The following CALN1 variants were observed in gnomAD, a reference collection of about 807,000 sequenced individuals.
CALN1 encodes calcium-binding protein 8.
Under a neutral mutation model 30.6 loss-of-function variants are expected in CALN1, and 17 were observed. The ratio of observed to expected loss-of-function variants is 0.56; its 90% confidence interval spans 0.38 to 0.83. The LOEUF is 0.83. Ranked by LOEUF, CALN1 falls within the 40% of genes least tolerant of loss-of-function variation. The pLI, the probability that CALN1 is intolerant of heterozygous loss-of-function variation, is 0.00. For synonymous variants in CALN1, 156 were observed against 131.4 expected, an observed-to-expected ratio of 1.19 and a Z score of -1.28; for missense variants, 291 against 354.9, an observed-to-expected ratio of 0.82 and a Z score of 1.45.
intron 5 of CALN1, among the ~76,000 whole-genome samples, chr7:71,914,378 A>G (rs1431412892): frequency 6.6e-6 from 1 of 152,228 alleles, no homozygotes; most frequent in Non-Finnish European, 1.5e-5. Flanking sequence ...TGCGAAGGAC[A>G]TGATCTCATC....
At chr7:72,034,353 CAAAA>C (rs34276736) in intron 4 of CALN1, among the ~76,000 whole-genome samples, 97 of 90,376 alleles carry the variant, frequency 1.1e-3, no homozygotes, top group African/African-American at 4.4e-3. Context: ...GACTCTGTCT[CAAAA>C]AAAAAAAAAA....
intron 2 of CALN1, among the ~76,000 whole-genome samples, chr7:72,340,317 C>T (rs1802322541): frequency 6.6e-6 from 1 of 151,092 alleles, no homozygotes; most frequent in Non-Finnish European, 1.5e-5. Context: ...AAGTAATCCT[C>T]CCACCCCCAC....
intron 1 of CALN1, among the ~76,000 whole-genome samples, chr7:72,445,035 G>A (rs1414592828): frequency 2.7e-5 from 4 of 148,946 alleles, no homozygotes; most frequent in Non-Finnish European, 4.4e-5. Context: ...CTTCTTGAAA[G>A]CCAGCAGCCA....
At chr7:72,189,198 A>G (rs1790428641) in intron 3 of CALN1, among the ~76,000 whole-genome samples, 1 of 152,228 alleles carries the variant, frequency 6.6e-6, no homozygotes, top group South Asian at 2.1e-4. Context: ...TCATGATAGG[A>G]AATTGACATG....
chr7:72,162,421 C>T (rs1209679546), intron 3 of CALN1, among the ~76,000 whole-genome samples: 1 of 151,872 alleles, frequency 6.6e-6, no homozygotes, highest in Non-Finnish European at 1.5e-5. Flanking sequence ...GGATCAGAAT[C>T]TTGGGGGTTA....
At chr7:72,003,929 A>T (rs1229567486) in intron 5 of CALN1, among the ~76,000 whole-genome samples, 5 of 152,178 alleles carry the variant, frequency 3.3e-5, no homozygotes, top group Non-Finnish European at 5.9e-5. Context: ...ACTGGACTAG[A>T]AGACTCAACA....
At chr7:72,183,378 G>C (rs770277445) in intron 3 of CALN1, among the ~76,000 whole-genome samples, 1 of 152,160 alleles carries the variant, frequency 6.6e-6, no homozygotes, top group Non-Finnish European at 1.5e-5. Context: ...AGACGAATTA[G>C]AAATCTACAG....
chr7:72,289,750 C>A (rs1220463991), intron 2 of CALN1, among the ~76,000 whole-genome samples: 1 of 151,904 alleles, frequency 6.6e-6, no homozygotes, highest in African/African-American at 2.4e-5. Context: ...TATTTATTAC[C>A]TTGATTTTTC....
intron 2 of CALN1, among the ~76,000 whole-genome samples, chr7:72,366,135 C>T (rs1803864485): frequency 7.3e-6 from 1 of 136,970 alleles, no homozygotes; most frequent in Non-Finnish European, 1.7e-5. Flanking sequence ...ATAATGAATA[C>T]TATTTTTTAT....
intron 1 of CALN1, among the ~76,000 whole-genome samples, chr7:72,417,887 T>G (rs562558277): frequency 2.6e-5 from 4 of 152,204 alleles, no homozygotes; most frequent in Non-Finnish European, 5.9e-5. Flanking sequence ...GTCTCTAAGT[T>G]TCATCTGGAG....
intron 6 of CALN1, among the ~76,000 whole-genome samples, chr7:71,807,347 C>G (rs1053378261): frequency 6.6e-6 from 1 of 152,140 alleles, no homozygotes; most frequent in Non-Finnish European, 1.5e-5. Flanking sequence ...TCCTAGACAC[C>G]TCTGCCCAAA....
chr7:71,829,652 G>T lies in CALN1; in HGVS notation c.502-19160C>A, dbSNP rs550103118. Among the ~76,000 whole-genome samples the T allele has an allele frequency of 3.9e-5, 6 of 152,298 alleles. No individual in the cohort carries two copies. The South Asian group carries it at 1.2e-3, about 32-fold the overall frequency. ...ACACAGCTATTGGATTGCCTGGGTC[G>T]GGCCCTGAGGGTAAGCTGTGAATAG... On this transcript the variant is annotated intron_variant, in intron 5 of 6. Coordinates refer to ENST00000395275, the MANE Select transcript of CALN1 (RefSeq NM_031468.4).
intron 2 of CALN1, among the ~76,000 whole-genome samples, chr7:72,330,741 A>T (rs1309984334): frequency 6.6e-6 from 1 of 152,214 alleles, no homozygotes; most frequent in Non-Finnish European, 1.5e-5. Context: ...ACCTACTTAA[A>T]TAGGTCTTAT....
At chr7:72,404,966 G>C (rs1484190950) in intron 1 of CALN1, among the ~76,000 whole-genome samples, 1 of 152,176 alleles carries the variant, frequency 6.6e-6, no homozygotes, top group East Asian at 1.9e-4. Context: ...AAACCAACTA[G>C]ATGCTTTGTA....
rs1351352894 is a variant in CALN1 at position 71,781,374 on chromosome 7, T to G, written c.*6401A>C. The G allele has an allele frequency of 6.6e-6, 1 of 152,304 alleles. No individual in the cohort carries two copies. The highest frequency in any genetic ancestry group is 1.5e-5 in the Non-Finnish European group (1 of 68,132). 9.4% of individuals were successfully genotyped at this position (152,304 alleles called of 1,614,324 possible). ...GGTCTGAGAGCCCTGAGAGAGGCATTCTGGGCTTGACAGATGTCAGCATCC... is the reference window on the plus strand; with the variant it reads ...GGTCTGAGAGCCCTGAGAGAGGCATGCTGGGCTTGACAGATGTCAGCATCC... On this transcript the variant is annotated 3_prime_UTR_variant, in exon 7 of 7. Transcript: ENST00000395275.
At chr7:72,101,451 C>G (rs1457702034) in intron 4 of CALN1, among the ~76,000 whole-genome samples, 2 of 152,080 alleles carry the variant, frequency 1.3e-5, no homozygotes, top group African/African-American at 4.8e-5. Context: ...AGAAATATCT[C>G]TAAAATATAA....
intron 2 of CALN1, among the ~76,000 whole-genome samples, chr7:72,388,017 T>A (rs1239994501): frequency 3.9e-5 from 6 of 152,186 alleles, no homozygotes; most frequent in African/African-American, 1.4e-4. Flanking sequence ...AAAGAGTTAC[T>A]AGGTTGGTGC....
At chr7:72,254,762 T>C (rs1795800262) in intron 3 of CALN1, among the ~76,000 whole-genome samples, 1 of 152,040 alleles carries the variant, frequency 6.6e-6, no homozygotes, top group Non-Finnish European at 1.5e-5. Context: ...ATAAATATTC[T>C]TTTTCTTTCC....
chr7:72,103,069 C>T (rs1337285696), intron 4 of CALN1: 1 of 106,136 alleles, frequency 9.4e-6, no homozygotes, highest in African/African-American at 3.7e-5. Context: ...GAGACTCCGT[C>T]AAAAAAAAAA....
Sources: allele counts gnomAD v4.1 joint callset (sites outside exome capture counted in the v4.1 genomes callset), GRCh38; gene constraint gnomAD v4.1.1; transcripts MANE v1.5; gene names NCBI Gene and HGNC (gene_info 2026-07-23, HGNC 2026-07-21).